MASP2: variants seen among roughly 807,000 people sequenced by gnomAD.
MASP2 encodes the protein MBL associated serine protease 2, also known as mannan-binding lectin serine protease 2.
In MASP2, 49 loss-of-function variants were observed where a neutral mutation model predicts 57.1. The observed-to-expected ratio is 0.86, with a 90% confidence interval of 0.68 to 1.09. The LOEUF (loss-of-function observed/expected upper bound fraction) is 1.09, where lower values mean the gene tolerates loss of function less well. Among genes scored for constraint, MASP2 ranks in the 50% least tolerant of loss-of-function variants. MASP2 has a pLI of 0.00. For missense variants in MASP2, 900 were observed against 874.8 expected (o/e 1.03, Z -0.36); for synonymous variants, 379 against 340.8 (o/e 1.11, Z -1.24).
At chr1:11,037,468 TAAAG>T (rs916698767) in intron 7 of MASP2, among the ~76,000 whole-genome samples, 3 of 151,832 alleles carry the variant, frequency 2.0e-5, no homozygotes, top group Non-Finnish European at 2.9e-5. Context: ...AAGTTAAGTA[TAAAG>T]AAAGAAAGAA....
At chr1:11,036,157 T>G (rs1643884421) in intron 7 of MASP2, among the ~76,000 whole-genome samples, 1 of 152,124 alleles carries the variant, frequency 6.6e-6, no homozygotes, top group Non-Finnish European at 1.5e-5. Flanking sequence ...GAAGATGGCT[T>G]TGGCAGAAAC....
In MASP2 at chr1:11,026,896, T is replaced by A; in HGVS notation, c.2050A>T (p.Ser684Cys). 6.8e-7 allele frequency: 1 copy of A among 1,481,324 alleles called. No individual in the cohort carries two copies. The allele number at this position is 1,481,324 out of a possible 1,614,324, so 91.8% of individuals were successfully genotyped here. A position where few individuals can be genotyped will look rare whatever the true frequency, so the allele number is the denominator to read the frequency against. Reference protein sequence around the residue: ...NYIPWIENIISDF With the variant: ...NYIPWIENIICDF ...TGCAGACACGCAAGTTAAAAATCAC[T>A]AATTATGTTCTCGATCCAGGGAATA... The change falls in exon 11 of 11, where the codon AGT becomes TGT. Residue 684 changes from serine (S) to cysteine (C), a missense_variant. By Grantham distance (112) the Ser-to-Cys change is moderately radical. Coordinates refer to ENST00000400897, the MANE Select transcript of MASP2 (RefSeq NM_006610.4).
At chr1:11,030,636 T>C in intron 9 of MASP2, 112 bp downstream of exon 9, 1 of 1,234,242 alleles carries the variant, frequency 8.1e-7, no homozygotes, top group Non-Finnish European at 1.1e-6. Context: ...GAGAAGTGGC[T>C]TTTAATCTTT....
intron 6 of MASP2, among the ~76,000 whole-genome samples, chr1:11,042,397 TGG>T (rs1173952451): frequency 2.7e-3 from 53 of 19,612 alleles, no homozygotes; most frequent in African/African-American, 3.9e-3. Context: ...ATAGATGGAT[TGG>T]ATGGATGGAT....
At chr1:11,030,002 C>T (rs1020530544) in intron 10 of MASP2, 174 bp downstream of exon 10, 86 of 541,200 alleles carry the variant, frequency 1.6e-4, no homozygotes, top group Middle Eastern at 3.7e-4. Flanking sequence ...CACCTAACAA[C>T]CTCTGTATAT....
chr1:11,044,787 G>A lies in MASP2; in HGVS notation c.544+621C>T, dbSNP rs993221219. ...CCCGACCCTCCCACCCCAGAGACAC[G>A]TGGCAGCAGGTGGGGTGGGGCCAGG... is the stretch of plus-strand genomic sequence containing the variant. On this transcript the variant is annotated intron_variant, in intron 4 of 10. Coordinates refer to ENST00000400897, the MANE Select transcript of MASP2 (RefSeq NM_006610.4). The A allele has an allele frequency of 1.4e-5, 17 of 1,181,174 alleles. No individual in the cohort carries two copies. In the East Asian group the frequency reaches 3.9e-4, roughly 27 times the overall value. The allele number at this position is 1,181,174 out of a possible 1,614,324, so 73.2% of individuals were successfully genotyped here.
chr1:11,041,610 G>A, intron 6 of MASP2, among the ~76,000 whole-genome samples: 2 of 150,178 alleles, frequency 1.3e-5, no homozygotes, highest in East Asian at 2.0e-4. Context: ...TGGATGGATG[G>A]ATGGATGGAT....
chr1:11,037,197 C>T (rs537531703), intron 7 of MASP2, among the ~76,000 whole-genome samples: 34 of 152,086 alleles, frequency 2.2e-4, no homozygotes, highest in Admixed American at 3.3e-4. Flanking sequence ...GGATTACAGG[C>T]GCCCGCCACC....
intron 7 of MASP2, among the ~76,000 whole-genome samples, chr1:11,036,780 CA>C (rs1274480870): frequency 6.6e-6 from 1 of 151,938 alleles, no homozygotes; most frequent in Admixed American, 6.6e-5. Flanking sequence ...GCCCCTAAAG[CA>C]ACACGCTAAG....
chr1:11,026,959 C>A lies in MASP2; in HGVS notation c.1987G>T (p.Ala663Ser). The stretch of plus-strand genomic sequence containing the variant: ...TTTGTGTAGACTCCATACTGACCTG[C>A]TTCCCCACAATTCATGGAACCCCAG... ...VSWGSMNCGEAGQYGVYTKVI... is the reference protein window; with the variant it reads ...VSWGSMNCGESGQYGVYTKVI... The change falls in exon 11 of 11, where the codon GCA becomes TCA. Residue 663 changes from alanine to serine, a missense_variant. Coordinates refer to ENST00000400897, the MANE Select transcript of MASP2 (RefSeq NM_006610.4). 2 of 1,549,284 alleles carry A rather than the reference C, an allele frequency of 1.3e-6. No homozygotes were observed. The highest frequency in any genetic ancestry group is 1.7e-6 in the Non-Finnish European group (2 of 1,152,562).
chr1:11,037,186 G>C (rs1488843595), intron 7 of MASP2, among the ~76,000 whole-genome samples: 1 of 152,088 alleles, frequency 6.6e-6, no homozygotes, highest in Non-Finnish European at 1.5e-5. Context: ...CCGAGTAGCT[G>C]GGATTACAGG....
rs974011326 is a variant in MASP2, at chr1:11,043,161, C to A, written c.742-139G>T. 16 of 1,018,128 alleles carry A rather than the reference C, an allele frequency of 1.6e-5. No homozygotes were observed. In the African/African-American group the frequency reaches 2.1e-4, roughly 13 times the overall value. 63.1% of individuals were successfully genotyped at this position (1,018,128 alleles called of 1,614,324 possible). A position where few individuals can be genotyped will look rare whatever the true frequency, so the allele number is the denominator to read the frequency against. On this transcript the variant is annotated intron_variant, in intron 5 of 10. Coordinates refer to ENST00000400897, the MANE Select transcript of MASP2 (RefSeq NM_006610.4). The stretch of plus-strand genomic sequence containing the variant: ...CCATGGATTGGGGTGCCCCTCCCCA[C>A]TCTGCCTCCCACACTTGTACTCGAA...
chr1:11,038,498 C>A (rs571810393), intron 6 of MASP2, among the ~76,000 whole-genome samples: 402 of 152,338 alleles, frequency 2.6e-3, no homozygotes, highest in Non-Finnish European at 4.7e-3. Flanking sequence ...GGCCCCCAAA[C>A]CCTGGCCTCC....
chr1:11,033,234 A>C (rs956365500), intron 8 of MASP2, among the ~76,000 whole-genome samples: 2 of 151,882 alleles, frequency 1.3e-5, no homozygotes, highest in Non-Finnish European at 2.9e-5. Flanking sequence ...AGGCTGAGGC[A>C]GGAGAATCGC....
chr1:11,032,466 C>G (rs1434488153), intron 8 of MASP2, among the ~76,000 whole-genome samples: 1 of 151,562 alleles, frequency 6.6e-6, no homozygotes, highest in East Asian at 1.9e-4. Flanking sequence ...AAAAAAATTA[C>G]TGGGTGTGGT....
intron 10 of MASP2, among the ~76,000 whole-genome samples, chr1:11,028,273 A>G (rs1352548624): frequency 1.3e-5 from 2 of 152,108 alleles, no homozygotes; most frequent in African/African-American, 2.4e-5. Flanking sequence ...GTCTGAGCAG[A>G]TGGACTGGAT....
chr1:11,029,928 C>G (rs374187404), intron 10 of MASP2: 5 of 336,874 alleles, frequency 1.5e-5, no homozygotes, highest in Non-Finnish European at 2.2e-5. Flanking sequence ...GCCTAAAAAT[C>G]ATTTAATTTT....
intron 10 of MASP2, among the ~76,000 whole-genome samples, chr1:11,029,349 C>T (rs997755160): frequency 1.4e-4 from 21 of 149,870 alleles, no homozygotes; most frequent in Non-Finnish European, 2.7e-4. Context: ...TGCAGTGAGC[C>T]GAGATTGCGC....
At chr1:11,031,840 G>A (rs1458113421) in intron 8 of MASP2, among the ~76,000 whole-genome samples, 1 of 152,142 alleles carries the variant, frequency 6.6e-6, no homozygotes, top group Admixed American at 6.5e-5. Flanking sequence ...TTGAGCCTGG[G>A]AGGATGAGGC....
Sources: gnomAD v4.1 joint callset for allele counts (sites outside exome capture counted in the v4.1 genomes callset) on GRCh38, gnomAD v4.1.1 for gene constraint, MANE v1.5 for transcripts, NCBI Gene and HGNC (gene_info 2026-07-23, HGNC 2026-07-21) for gene names.